ZYG11B: variants seen among roughly 807,000 people sequenced by gnomAD.
The protein encoded by ZYG11B is zyg-11 family member B, cell cycle regulator.
In ZYG11B, 36 loss-of-function variants were observed where a neutral mutation model predicts 82.4. That is an observed-to-expected ratio of 0.44 (90% CI 0.33 to 0.58). The LOEUF is 0.58. Ranked by LOEUF, ZYG11B falls within the 20% of genes least tolerant of loss-of-function variation. The pLI is 0.02. For missense variants in ZYG11B, 552 were observed against 895.6 expected, an observed-to-expected ratio of 0.62 and a Z score of 4.90; for synonymous variants, 303 against 312.8, an observed-to-expected ratio of 0.97 and a Z score of 0.33.
chr1:52,773,979 T>C (rs550668187), intron 3 of ZYG11B, among the ~76,000 whole-genome samples: 2 of 151,638 alleles, frequency 1.3e-5, no homozygotes, highest in Admixed American at 1.3e-4. Context: ...AGTGGAGATC[T>C]TAAGGGTGAG....
At chr1:52,764,549 A>G (rs1431398200) in intron 2 of ZYG11B, among the ~76,000 whole-genome samples, 1 of 152,148 alleles carries the variant, frequency 6.6e-6, no homozygotes, top group South Asian at 2.1e-4. Context: ...CTGCAAGTCT[A>G]AGATTCCTCA....
intron 1 of ZYG11B, among the ~76,000 whole-genome samples, chr1:52,734,348 A>G (rs564109865): frequency 2.0e-5 from 3 of 152,242 alleles, no homozygotes; most frequent in Admixed American, 2.0e-4. Context: ...AATGCTGGCT[A>G]AAACACTGCT....
At chr1:52,761,379 A>G (rs1280861959) in intron 2 of ZYG11B, among the ~76,000 whole-genome samples, 1 of 152,012 alleles carries the variant, frequency 6.6e-6, no homozygotes, top group Non-Finnish European at 1.5e-5. Flanking sequence ...AACCTGTTCT[A>G]CTTTTACTTC....
chr1:52,774,609 A>ATTTTTTTTTTTTTTTTTTTTTTT (rs35043109), intron 3 of ZYG11B, among the ~76,000 whole-genome samples: 1 of 111,148 alleles, frequency 9.0e-6, no homozygotes. Flanking sequence ...GCCTGGCCTA[A>ATTTTTTTTTTTTTTTTTTTTTTT]TTTTTTTTTT....
rs554192389 is a variant in ZYG11B, at chr1:52,759,511, T to G, written c.196+2888T>G. ...GAAGCTACATGCTTGAAATGTATTT[T>G]CTACCTCTTCTTTTCAGACTGCCTT... On this transcript the variant is annotated intron_variant, in intron 2 of 13. Transcript: ENST00000294353. Among the ~76,000 whole-genome samples the G allele has an allele frequency of 5.3e-5, 8 of 152,370 alleles. No individual in the cohort carries two copies. In the South Asian group the frequency reaches 1.7e-3, roughly 32 times the overall value.
rs927778850 is a variant in ZYG11B at position 52,726,529 on chromosome 1, A to G, written c.-125A>G. Reference sequence around the variant, plus strand: ...ACTGCTACGCTCCTAGCTTGAGGGAAAGAGGCCGAGGCCTGGGCCAAGCCC... The same window carrying G: ...ACTGCTACGCTCCTAGCTTGAGGGAGAGAGGCCGAGGCCTGGGCCAAGCCC... On this transcript the variant is annotated 5_prime_UTR_variant, in exon 1 of 14. Transcript: ENST00000294353. The G allele has an allele frequency of 3.0e-5, 27 of 911,994 alleles. No homozygotes were observed. The highest frequency in any genetic ancestry group is 3.7e-5 in the Non-Finnish European group (25 of 679,194). The allele number at this position is 911,994 out of a possible 1,614,324, so 56.5% of individuals were successfully genotyped here.
chr1:52,747,518 C>T (rs939015471), intron 1 of ZYG11B, among the ~76,000 whole-genome samples: 2 of 152,100 alleles, frequency 1.3e-5, no homozygotes, highest in Non-Finnish European at 2.9e-5. Context: ...CTTGGCCCCA[C>T]TTTCTACAGT....
At chr1:52,797,422 A>G (rs1423995454) in intron 8 of ZYG11B, among the ~76,000 whole-genome samples, 1 of 101,222 alleles carries the variant, frequency 9.9e-6, no homozygotes, top group East Asian at 2.5e-4. Context: ...CATATATTAT[A>G]CATATTATAT....
At chr1:52,777,783 TA>T in intron 3 of ZYG11B, among the ~76,000 whole-genome samples, 1 of 152,234 alleles carries the variant, frequency 6.6e-6, no homozygotes, top group South Asian at 2.1e-4. Flanking sequence ...CTGAGTAATA[TA>T]TTTTTAAAAT....
intron 13 of ZYG11B, 50 bp from the exon 14 acceptor site, chr1:52,821,389 T>C (rs758077003): frequency 6.6e-7 from 1 of 1,505,842 alleles, no homozygotes; most frequent in South Asian, 1.4e-5. Context: ...TCAAGTGTTT[T>C]AAGAAAAGCT....
At chr1:52,792,835 T>TTTTATTTA (rs749439667) in intron 6 of ZYG11B, among the ~76,000 whole-genome samples, 1 of 152,074 alleles carries the variant, frequency 6.6e-6, no homozygotes, top group South Asian at 2.1e-4. Flanking sequence ...TAGGTTTTTA[T>TTTTATTTA]TTTATTTATT....
chr1:52,810,352 TATC>T (rs1645172455), intron 10 of ZYG11B, among the ~76,000 whole-genome samples: 1 of 152,192 alleles, frequency 6.6e-6, no homozygotes, highest in Non-Finnish European at 1.5e-5. Flanking sequence ...TTCATTTTAT[TATC>T]ATTACTCTGC....
At chr1:52,762,982 G>GA (rs986617318) in intron 2 of ZYG11B, among the ~76,000 whole-genome samples, 1 of 141,458 alleles carries the variant, frequency 7.1e-6, no homozygotes, top group African/African-American at 2.5e-5. Flanking sequence ...AGATTGGGGG[G>GA]GGGGGGTCTA....
chr1:52,783,853 T>TGTGCGTATGTACATACAC (rs1553260805), intron 4 of ZYG11B, among the ~76,000 whole-genome samples: 1,992 of 56,774 alleles, frequency 0.035, 114 homozygotes, highest in African/African-American at 0.1. Context: ...TACATACACG[T>TGTGCGTATGTACATACAC]GTGTGTGTAT....
intron 5 of ZYG11B, among the ~76,000 whole-genome samples, chr1:52,788,130 G>A (rs1328993788): frequency 6.6e-6 from 1 of 152,160 alleles, no homozygotes; most frequent in Non-Finnish European, 1.5e-5. Context: ...AGGAAGGGCA[G>A]TGTAGGATGA....
intron 2 of ZYG11B, among the ~76,000 whole-genome samples, chr1:52,767,257 GTTATT>G (rs1201738529): frequency 2.0e-5 from 3 of 147,878 alleles, no homozygotes; most frequent in Admixed American, 1.3e-4. Flanking sequence ...GTTATTTTAT[GTTATT>G]TTATTTTGTT....
At chr1:52,777,363 C>T (rs550136131) in intron 3 of ZYG11B, among the ~76,000 whole-genome samples, 29 of 152,264 alleles carry the variant, frequency 1.9e-4, no homozygotes, top group African/African-American at 6.3e-4. Context: ...ACTCTTGTAG[C>T]ATATCCTATT....
At chr1:52,739,920 T>G (rs1230200305) in intron 1 of ZYG11B, among the ~76,000 whole-genome samples, 1 of 152,198 alleles carries the variant, frequency 6.6e-6, no homozygotes, top group Non-Finnish European at 1.5e-5. Flanking sequence ...TTTAAAGGTA[T>G]TTTCATGGAT....
In ZYG11B at chr1:52,779,870, T is replaced by C; in HGVS notation, c.969T>C (p.Asn323=). The change falls in exon 4 of 14, where the codon AAT becomes AAC. Residue 323 remains asparagine, a synonymous_variant. Transcript: ENST00000294353. ...EGHLKVSGEA[N]ETQIAEALKR... is the part of the protein sequence containing the mutation. ...GTTCACAGGTGTCTGGGGAAGCCAA[T>C]GAAACTCAGATTGCAGAAGCACTGA... is the stretch of plus-strand genomic sequence containing the variant. 1 of 1,614,002 alleles carries C rather than the reference T, an allele frequency of 6.2e-7. No individual in the cohort carries two copies.
Sources: allele counts gnomAD v4.1 joint callset (sites outside exome capture counted in the v4.1 genomes callset), GRCh38; gene constraint gnomAD v4.1.1; transcripts MANE v1.5; gene names NCBI Gene and HGNC (gene_info 2026-07-23, HGNC 2026-07-21).